PRKN: variants seen among roughly 807,000 people sequenced by gnomAD.
PRKN encodes the protein E3 ubiquitin-protein ligase parkin.
In PRKN, 56 loss-of-function variants were observed where a neutral mutation model predicts 59.5. That is an observed-to-expected ratio of 0.94 (90% confidence interval 0.76 to 1.18). PRKN has a LOEUF of 1.18. Ranked by LOEUF, PRKN falls within the 50% of genes most tolerant of loss-of-function variation. The probability of loss-of-function intolerance (pLI) is 0.00; values close to 1 mark genes in which losing one functional copy is unlikely to be tolerated. For synonymous variants in PRKN, 250 were observed against 222.1 expected (o/e 1.13, Z -1.12); for missense variants, 657 against 596.4 (o/e 1.10, Z -1.06).
At chr6:162,139,745 G>A (rs1004577838) in intron 4 of PRKN, among the ~76,000 whole-genome samples, 8 of 152,168 alleles carry the variant, frequency 5.3e-5, no homozygotes, top group Admixed American at 2.6e-4. Context: ...AAACAGACCC[G>A]CACCTATACA....
At chr6:162,008,941 T>A (rs1337416553) in intron 5 of PRKN, among the ~76,000 whole-genome samples, 1 of 151,494 alleles carries the variant, frequency 6.6e-6, no homozygotes, top group Non-Finnish European at 1.5e-5. Context: ...CAAAATAAAC[T>A]ATGTAAAAAG....
intron 7 of PRKN, among the ~76,000 whole-genome samples, chr6:161,779,067 G>T (rs1338922770): frequency 6.6e-6 from 1 of 152,082 alleles, no homozygotes; most frequent in Non-Finnish European, 1.5e-5. Flanking sequence ...AGCCTCCCGA[G>T]TAGCTGGGAC....
rs187646154 is a variant in PRKN at position 161,390,581 on chromosome 6, C to T, written c.1084-3704G>A. Reference sequence around the variant, plus strand: ...TCGGCTCACTGCAACCTCCGCCTCCCGGGTTCAAGCAATTCTCCCGTCTCA... The same window carrying T: ...TCGGCTCACTGCAACCTCCGCCTCCTGGGTTCAAGCAATTCTCCCGTCTCA... On this transcript the variant is annotated intron_variant, in intron 9 of 11. Transcript: ENST00000366898. The surrounding 1 kb of genome is among the most constrained non-coding windows in gnomAD (Gnocchi z 7.0). Among the ~76,000 whole-genome samples the T allele has an allele frequency of 4.7e-4, 71 of 152,276 alleles. 2 individuals carry two copies. Among genetic ancestry groups the T allele is most frequent in the Admixed American group, 2.1e-3 (32 of 15,292 alleles).
At position 162,096,497 on chromosome 6, in the gene PRKN, T is replaced by C. The variant is rs535925341; in HGVS notation, c.535-42323A>G. ...TGGTGATATGGTTTGGCTGTGCCTC[T>C]ACCCAAATCTCATCCTGAATTGTAG... On this transcript the variant is annotated intron_variant, in intron 4 of 11. Coordinates refer to ENST00000366898, the MANE Select transcript of PRKN (RefSeq NM_004562.3). 3.3e-5 allele frequency among the ~76,000 whole-genome samples: 5 copies of C among 152,318 alleles called. No individual in the cohort carries two copies. In the East Asian group the frequency reaches 9.7e-4, roughly 29 times the overall value.
At chr6:162,147,960 A>G (rs959370584) in intron 4 of PRKN, among the ~76,000 whole-genome samples, 1 of 152,208 alleles carries the variant, frequency 6.6e-6, no homozygotes, top group Non-Finnish European at 1.5e-5. Context: ...GACAAAAATT[A>G]CGCAATATTT....
chr6:161,875,471 G>A (rs895814953), intron 6 of PRKN, among the ~76,000 whole-genome samples: 3 of 152,022 alleles, frequency 2.0e-5, no homozygotes, highest in African/African-American at 7.2e-5. Flanking sequence ...GGGATTACAG[G>A]CGTGAGCCAC....
At position 161,349,580 on chromosome 6, in the gene PRKN, A is replaced by T; in HGVS notation, c.*519T>A. ...ATTTAAATAAGAACATTACTGTTAA[A>T]GCCATGAATCTAGTTTGGAGAACCC... On this transcript the variant is annotated 3_prime_UTR_variant, in exon 12 of 12. Coordinates refer to ENST00000366898, the MANE Select transcript of PRKN (RefSeq NM_004562.3). This position sits in a 1 kb window ranked among gnomAD's most constrained non-coding sequence, Gnocchi z 5.5. 1 of 241,286 alleles carries T rather than the reference A, an allele frequency of 4.1e-6. No individual in the cohort carries two copies. The highest frequency in any genetic ancestry group is 8.2e-6 in the Non-Finnish European group (1 of 122,580). 14.9% of individuals were successfully genotyped at this position (241,286 alleles called of 1,614,324 possible). A position where few individuals can be genotyped will look rare whatever the true frequency, so the allele number is the denominator to read the frequency against.
chr6:161,618,099 T>C (rs1449861174), intron 7 of PRKN, among the ~76,000 whole-genome samples: 1 of 152,256 alleles, frequency 6.6e-6, no homozygotes, highest in African/African-American at 2.4e-5. Flanking sequence ...CATGACAATT[T>C]GCTTAATCAA....
intron 9 of PRKN, among the ~76,000 whole-genome samples, chr6:161,534,161 C>T (rs899459014): frequency 1.7e-4 from 26 of 152,088 alleles, no homozygotes; most frequent in African/African-American, 5.8e-4. Flanking sequence ...GCACCATGAG[C>T]CCACGACTCC....
At chr6:162,171,347 A>G (rs1444950276) in intron 4 of PRKN, among the ~76,000 whole-genome samples, 2 of 152,164 alleles carry the variant, frequency 1.3e-5, no homozygotes, top group Non-Finnish European at 2.9e-5. Flanking sequence ...AAACTAGACT[A>G]GCAATTCTGT....
At chr6:162,296,280 C>T (rs1016072312) in intron 2 of PRKN, among the ~76,000 whole-genome samples, 4 of 141,998 alleles carry the variant, frequency 2.8e-5, no homozygotes, top group African/African-American at 5.3e-5. Flanking sequence ...TCCCTATCTG[C>T]GCTGCCTCCC....
chr6:162,596,997 G>A (rs1025960994), intron 1 of PRKN, among the ~76,000 whole-genome samples: 1 of 152,080 alleles, frequency 6.6e-6, no homozygotes, highest in Non-Finnish European at 1.5e-5. Flanking sequence ...AGAAATGCAG[G>A]GCTCCTCCCA....
chr6:161,380,544 G>C (rs1046762620), intron 10 of PRKN, among the ~76,000 whole-genome samples: 1 of 148,696 alleles, frequency 6.7e-6, no homozygotes, highest in Non-Finnish European at 1.5e-5. Context: ...CTCCCACCAA[G>C]TCTATCTTTA....
intron 1 of PRKN, chr6:162,569,865 G>C: frequency 5.6e-6 from 2 of 354,210 alleles, no homozygotes; most frequent in East Asian, 1.3e-4. Context: ...CACCCACGGG[G>C]GAGTTTACTG....
Position 161,785,891 on chromosome 6 carries a change from A to G in PRKN, c.752T>C (p.Phe251Ser). ...AATCACGTGGCGGGAGTTGCACTGGAAAACCAGGACGGGGCTCCTGCAGAG... is the reference window on the plus strand; with the variant it reads ...AATCACGTGGCGGGAGTTGCACTGGGAAACCAGGACGGGGCTCCTGCAGAG... ...CTDVRSPVLVFQCNSRHVICL... is the reference protein window; with the variant it reads ...CTDVRSPVLVSQCNSRHVICL... Residue 251 changes from phenylalanine (F) to serine (S), a missense_variant, in exon 7 of 12, where the codon TTC becomes TCC. Coordinates refer to ENST00000366898, the MANE Select transcript of PRKN (RefSeq NM_004562.3). 1 of 1,614,170 alleles carries G rather than the reference A, an allele frequency of 6.2e-7. No individual in the cohort carries two copies. The highest frequency in any genetic ancestry group is 1.1e-5 in the South Asian group (1 of 91,080).
intron 1 of PRKN, among the ~76,000 whole-genome samples, chr6:162,682,258 T>C (rs1048569006): frequency 2.6e-5 from 4 of 152,036 alleles, no homozygotes; most frequent in Admixed American, 2.0e-4. Context: ...GGTATTATTA[T>C]ATATCCCAAA....
At chr6:162,353,759 T>C (rs1174912589) in intron 2 of PRKN, among the ~76,000 whole-genome samples, 1 of 152,140 alleles carries the variant, frequency 6.6e-6, no homozygotes, top group Admixed American at 6.6e-5. Context: ...ATTTTGAGCA[T>C]GTATTACTTA....
At chr6:162,128,145 A>C (rs1562529285) in intron 4 of PRKN, among the ~76,000 whole-genome samples, 1 of 152,176 alleles carries the variant, frequency 6.6e-6, no homozygotes, top group South Asian at 2.1e-4. Flanking sequence ...CTTCAGTGCT[A>C]GAGTGTGGGC....
chr6:161,923,197 T>G (rs778541519), intron 6 of PRKN, among the ~76,000 whole-genome samples: 1 of 152,194 alleles, frequency 6.6e-6, no homozygotes, highest in Non-Finnish European at 1.5e-5. Context: ...GATTCTGCAG[T>G]TGGGGGCCAG....
Sources: gnomAD v4.1 joint callset for allele counts (sites outside exome capture counted in the v4.1 genomes callset) on GRCh38, gnomAD v4.1.1 for gene constraint, Gnocchi (gnomAD v3.1) non-coding constraint, MANE v1.5 for transcripts, NCBI Gene and HGNC (gene_info 2026-07-23, HGNC 2026-07-21) for gene names.